The following SVEP1 variants were observed in gnomAD, a reference collection of about 807,000 sequenced individuals.
SVEP1 encodes the protein sushi, von Willebrand factor type A, EGF and pentraxin domain-containing protein 1.
Under a neutral mutation model 367.3 loss-of-function variants are expected in SVEP1, and 164 were observed. The observed-to-expected ratio is 0.45, with a 90% CI of 0.39 to 0.51. SVEP1 has a LOEUF of 0.51. Ranked by LOEUF, SVEP1 falls within the 20% of genes least tolerant of loss-of-function variation. The probability of loss-of-function intolerance (pLI) is 0.00; values close to 1 mark genes in which losing one functional copy is unlikely to be tolerated. For missense variants in SVEP1, 4,117 were observed against 4,425.3 expected (o/e 0.93, Z 1.98); for synonymous variants, 1,666 against 1,611.6 (o/e 1.03, Z -0.81).
intron 8 of SVEP1, among the ~76,000 whole-genome samples, chr9:110,493,504 G>A (rs180808005): frequency 6.6e-6 from 1 of 152,274 alleles, no homozygotes; most frequent in Non-Finnish European, 1.5e-5. Context: ...GGAGGCTAAG[G>A]CAGGAGATCA....
intron 1 of SVEP1, among the ~76,000 whole-genome samples, chr9:110,565,877 T>C (rs1830485989): frequency 6.6e-6 from 1 of 152,204 alleles, no homozygotes; most frequent in Non-Finnish European, 1.5e-5. Context: ...ATAGAGGTAG[T>C]TCTGCATGGT....
chr9:110,409,672 G>A (rs895746827), intron 37 of SVEP1, among the ~76,000 whole-genome samples: 1 of 152,028 alleles, frequency 6.6e-6, no homozygotes, highest in South Asian at 2.1e-4. Context: ...ATCATAAATA[G>A]TCAAATAAAA....
chr9:110,577,648 CAA>C (rs1830642052), intron 1 of SVEP1, among the ~76,000 whole-genome samples: 4 of 151,206 alleles, frequency 2.6e-5, no homozygotes, highest in Admixed American at 2.6e-4. Context: ...TTTCCATAAA[CAA>C]AAATAAAAGG....
intron 27 of SVEP1, among the ~76,000 whole-genome samples, chr9:110,438,712 G>T (rs569562718): frequency 6.6e-6 from 1 of 152,226 alleles, no homozygotes; most frequent in South Asian, 2.1e-4. Flanking sequence ...TAAACTGATG[G>T]TTGCAGGCAA....
intron 36 of SVEP1, among the ~76,000 whole-genome samples, chr9:110,417,539 A>G (rs1341822946): frequency 9.3e-4 from 3 of 3,238 alleles, no homozygotes; most frequent in Non-Finnish European, 2.2e-3. Context: ...AGGCTGGGGG[A>G]GGGGCGCCCG....
intron 5 of SVEP1, among the ~76,000 whole-genome samples, chr9:110,510,705 A>G (rs898485208): frequency 2.0e-5 from 3 of 152,112 alleles, no homozygotes; most frequent in African/African-American, 7.2e-5. Context: ...GTCTTCTCTG[A>G]TTTTCTCACT....
intron 8 of SVEP1, 39 bp downstream of exon 8, chr9:110,496,775 AT>A: frequency 7.0e-7 from 1 of 1,420,222 alleles, no homozygotes; most frequent in Non-Finnish European, 9.7e-7. Flanking sequence ...TATATTTAGA[AT>A]TCATTTGAAA....
At chr9:110,438,148 CTCATT>C (rs1828458368) in intron 27 of SVEP1, among the ~76,000 whole-genome samples, 1 of 129,270 alleles carries the variant, frequency 7.7e-6, no homozygotes, top group Non-Finnish European at 1.7e-5. Context: ...TGAACGCGTT[CTCATT>C]TCATGAGTTT....
chr9:110,509,324 G>A (rs1296533048), intron 5 of SVEP1, among the ~76,000 whole-genome samples: 4 of 152,210 alleles, frequency 2.6e-5, no homozygotes, highest in African/African-American at 9.7e-5. Context: ...AATATCTGAT[G>A]TAACTAAATA....
At chr9:110,376,567 C>T (rs1227832990) in intron 45 of SVEP1, among the ~76,000 whole-genome samples, 1 of 152,138 alleles carries the variant, frequency 6.6e-6, no homozygotes, top group East Asian at 1.9e-4. Flanking sequence ...AAAATTCCTG[C>T]CCTGTAGGAA....
At chr9:110,372,239 A>C (rs1365377668) in intron 46 of SVEP1, among the ~76,000 whole-genome samples, 1 of 152,198 alleles carries the variant, frequency 6.6e-6, no homozygotes, top group Non-Finnish European at 1.5e-5. Flanking sequence ...TGGTTAGTTT[A>C]CCCATTTCAC....
At chr9:110,444,982 G>T (rs187726169) in intron 26 of SVEP1, among the ~76,000 whole-genome samples, 15 of 151,978 alleles carry the variant, frequency 9.9e-5, no homozygotes, top group African/African-American at 3.1e-4. Context: ...ATTGGGGATA[G>T]AAAAAAAAGC....
intron 9 of SVEP1, among the ~76,000 whole-genome samples, chr9:110,487,588 T>A (rs1407555901): frequency 1.3e-5 from 2 of 152,254 alleles, no homozygotes; most frequent in Non-Finnish European, 2.9e-5. Flanking sequence ...ATATGTTAGT[T>A]ATTTCAATAA....
chr9:110,457,648 C>A (rs537973749), intron 20 of SVEP1, among the ~76,000 whole-genome samples: 140 of 152,274 alleles, frequency 9.2e-4, no homozygotes, highest in South Asian at 8.9e-3. Context: ...AGGGCGTCAA[C>A]CCAGATTAGC....
Position 110,434,479 on chromosome 9 carries a change from G to C in SVEP1, c.4916C>G (p.Pro1639Arg). Residue 1639 changes from proline to arginine, a missense_variant, in exon 30 of 48, where the codon CCT becomes CGT. Physicochemically the swap from Pro to Arg is moderately radical, Grantham distance 103. This residue lies in a region of SVEP1 where 2,174 missense variants were observed against 2,494.3 expected (regional missense o/e 0.87). Transcript: ENST00000374469. ...ATCTTCAGATGCAGTTCTCAGATGA[G>C]GCACTGACCCTCCTAAGCGTGGGCA... is the stretch of plus-strand genomic sequence containing the variant. ...SDCPRLGGSVPHLRTASEDLK... is the reference protein window; with the variant it reads ...SDCPRLGGSVRHLRTASEDLK... The C allele has an allele frequency of 3.1e-6, 5 of 1,613,194 alleles. No homozygotes were observed. The highest frequency in any genetic ancestry group is 4.2e-6 in the Non-Finnish European group (5 of 1,179,660).
chr9:110,456,276 G>A (rs1828774186), intron 21 of SVEP1, among the ~76,000 whole-genome samples: 1 of 152,094 alleles, frequency 6.6e-6, no homozygotes, highest in African/African-American at 2.4e-5. Flanking sequence ...TAGAAATTCT[G>A]GGGCTGGAGT....
chr9:110,498,876 A>C (rs1189126799), intron 7 of SVEP1, among the ~76,000 whole-genome samples, 165 bp downstream of exon 7: 1 of 152,116 alleles, frequency 6.6e-6, no homozygotes, highest in Non-Finnish European at 1.5e-5. Flanking sequence ...GATTTTGTAA[A>C]TTCACCACTT....
intron 3 of SVEP1, among the ~76,000 whole-genome samples, chr9:110,541,405 G>A (rs12001338): frequency 0.72 from 109,067 of 151,994 alleles, 39,994 homozygotes; most frequent in Admixed American, 0.79. Context: ...GATTAAAAGT[G>A]TATTCCACCT....
At chr9:110,468,505 G>T (rs1471546049) in intron 17 of SVEP1, among the ~76,000 whole-genome samples, 4 of 152,168 alleles carry the variant, frequency 2.6e-5, no homozygotes, top group Admixed American at 2.6e-4. Context: ...ATAAAACCTA[G>T]AAATAATTCT....
Sources: allele counts gnomAD v4.1 joint callset (sites outside exome capture counted in the v4.1 genomes callset), GRCh38; gene constraint gnomAD v4.1.1; regional missense constraint gnomAD v4.1.1; transcripts MANE v1.5; gene names NCBI Gene and HGNC (gene_info 2026-07-23, HGNC 2026-07-21).